NRG3: variants seen among roughly 807,000 people sequenced by gnomAD.
NRG3 encodes neuregulin 3, also known as pro-neuregulin-3, membrane-bound isoform.
A neutral mutation model predicts 66.9 loss-of-function variants in NRG3; 31 were observed. The ratio of observed to expected loss-of-function variants is 0.46; its 90% CI spans 0.35 to 0.63. The LOEUF (loss-of-function observed/expected upper bound fraction) is 0.63. Ranked by LOEUF, NRG3 falls within the 20% of genes least tolerant of loss-of-function variation. The pLI, the probability that NRG3 is intolerant of heterozygous loss-of-function variation, is 0.00. For synonymous variants in NRG3, 393 were observed against 359.4 expected (o/e 1.09, Z -1.06); for missense variants, 910 against 878.9 (o/e 1.04, Z -0.45).
At chr10:81,923,240 A>T (rs1164945557) in intron 1 of NRG3, among the ~76,000 whole-genome samples, 6 of 152,036 alleles carry the variant, frequency 3.9e-5, no homozygotes, top group Non-Finnish European at 7.4e-5. Context: ...TGCTTTACTT[A>T]CTCAATCGAA....
intron 1 of NRG3, among the ~76,000 whole-genome samples, chr10:82,102,774 A>G (rs1036878784): frequency 2.6e-5 from 4 of 151,944 alleles, no homozygotes; most frequent in Non-Finnish European, 5.9e-5. Flanking sequence ...TTCCAACTGT[A>G]TAGATTTTTA....
chr10:82,495,762 CTCTG>C (rs1169608724), intron 2 of NRG3, among the ~76,000 whole-genome samples: 3 of 151,752 alleles, frequency 2.0e-5, no homozygotes, highest in Non-Finnish European at 4.4e-5. Flanking sequence ...ATATGTCCAT[CTCTG>C]TCTGGCTGTG....
At chr10:82,938,497 C>T (rs977249819) in intron 4 of NRG3, among the ~76,000 whole-genome samples, 1 of 152,224 alleles carries the variant, frequency 6.6e-6, no homozygotes, top group African/African-American at 2.4e-5. Context: ...GTCAAATAGC[C>T]ACAGGGCTCT....
At chr10:82,232,892 G>T in intron 1 of NRG3, 1 of 710,284 alleles carries the variant, frequency 1.4e-6, no homozygotes, top group South Asian at 1.5e-5. Context: ...AACAGTTTAG[G>T]ACTACTTTGA....
At chr10:81,981,041 C>A (rs530080246) in intron 1 of NRG3, among the ~76,000 whole-genome samples, 4 of 152,302 alleles carry the variant, frequency 2.6e-5, no homozygotes, top group East Asian at 3.9e-4. Context: ...GAGCATAAAT[C>A]CGTAACGTTT....
At chr10:81,881,159 C>T (rs941612340) in intron 1 of NRG3, among the ~76,000 whole-genome samples, 1 of 151,672 alleles carries the variant, frequency 6.6e-6, no homozygotes, top group African/African-American at 2.4e-5. Flanking sequence ...ACTGAAGGCT[C>T]CTTTCAGGCT....
intron 2 of NRG3, among the ~76,000 whole-genome samples, chr10:82,588,270 A>C (rs985357138): frequency 6.6e-6 from 1 of 152,158 alleles, no homozygotes; most frequent in African/African-American, 2.4e-5. Flanking sequence ...AGGGAGCACC[A>C]TCCTCTTGAT....
chr10:82,190,576 A>G (rs1378810707), intron 1 of NRG3, among the ~76,000 whole-genome samples: 1 of 152,208 alleles, frequency 6.6e-6, no homozygotes, highest in African/African-American at 2.4e-5. Flanking sequence ...CCAAAAGCTG[A>G]AGAGATGAAA....
intron 2 of NRG3, among the ~76,000 whole-genome samples, chr10:82,552,699 T>C (rs73311961): frequency 0.013 from 1,954 of 152,256 alleles, 38 homozygotes; most frequent in African/African-American, 0.045. Flanking sequence ...ACTAATCAAA[T>C]TTTTTAATTT....
intron 2 of NRG3, among the ~76,000 whole-genome samples, chr10:82,545,624 G>T (rs2043845838): frequency 6.6e-6 from 1 of 151,528 alleles, no homozygotes; most frequent in Non-Finnish European, 1.5e-5. Flanking sequence ...CTCGTGATCC[G>T]CCCGCCTCGG....
intron 3 of NRG3, among the ~76,000 whole-genome samples, chr10:82,820,596 A>T (rs1591625340): frequency 6.6e-6 from 1 of 152,208 alleles, no homozygotes; most frequent in Non-Finnish European, 1.5e-5. Context: ...ATCAATTGAA[A>T]CTACTTTTCC....
chr10:82,011,962 G>A (rs2061596557), intron 1 of NRG3, among the ~76,000 whole-genome samples: 1 of 152,232 alleles, frequency 6.6e-6, no homozygotes, highest in Non-Finnish European at 1.5e-5. Context: ...TCTGGAGGAT[G>A]GTGGCCCTAT....
intron 2 of NRG3, among the ~76,000 whole-genome samples, chr10:82,381,696 T>G (rs1019309508): frequency 1.1e-4 from 16 of 152,174 alleles, no homozygotes; most frequent in Non-Finnish European, 4.4e-5. Flanking sequence ...GCTTCATGGG[T>G]TGGGAGACTT....
At chr10:82,740,216 CT>C (rs1195351702) in intron 3 of NRG3, among the ~76,000 whole-genome samples, 1 of 150,010 alleles carries the variant, frequency 6.7e-6, no homozygotes, top group Non-Finnish European at 1.5e-5. Flanking sequence ...TTCCTTTCTT[CT>C]TTCTTTCCTT....
chr10:82,976,829 C>A (rs1246346711), intron 7 of NRG3, among the ~76,000 whole-genome samples: 1 of 152,106 alleles, frequency 6.6e-6, no homozygotes, highest in Non-Finnish European at 1.5e-5. Context: ...ATGGAGCCTG[C>A]AGTGCGGCCC....
At position 82,229,280 on chromosome 10, in the gene NRG3, A is replaced by G. The variant is rs1317108508; in HGVS notation, c.824-129459A>G. On this transcript the variant is annotated intron_variant, in intron 1 of 8. Coordinates refer to ENST00000372141, the MANE Select transcript of NRG3 (RefSeq NM_001010848.4). Reference sequence around the variant, plus strand: ...AGCAGTTGAAAAATATTCACCAGAAAAATTTTGTCATGGAGAAAATGAAAT... The same window carrying G: ...AGCAGTTGAAAAATATTCACCAGAAGAATTTTGTCATGGAGAAAATGAAAT... 2.0e-5 allele frequency: 3 copies of G among 152,360 alleles called. No homozygotes were observed. In the East Asian group the frequency reaches 5.8e-4, roughly 29 times the overall value. The allele number at this position is 152,360 out of a possible 1,614,324, so 9.4% of individuals were successfully genotyped here.
chr10:82,630,919 CT>C (rs1386476894), intron 2 of NRG3, among the ~76,000 whole-genome samples: 2 of 152,034 alleles, frequency 1.3e-5, no homozygotes, highest in African/African-American at 4.8e-5. Flanking sequence ...TTCACAAAGA[CT>C]TTTTTTCTTT....
intron 1 of NRG3, among the ~76,000 whole-genome samples, chr10:82,089,418 T>A (rs1334599332): frequency 1.3e-5 from 2 of 152,044 alleles, no homozygotes; most frequent in Non-Finnish European, 2.9e-5. Context: ...CTAACAGAGG[T>A]TATTTCTTTG....
intron 4 of NRG3, among the ~76,000 whole-genome samples, chr10:82,881,731 T>C (rs1842322047): frequency 6.6e-6 from 1 of 152,216 alleles, no homozygotes; most frequent in African/African-American, 2.4e-5. Flanking sequence ...TGTGTATGTA[T>C]CTATCTATAT....
Sources: gnomAD v4.1 joint callset for allele counts (sites outside exome capture counted in the v4.1 genomes callset) on GRCh38, gnomAD v4.1.1 for gene constraint, MANE v1.5 for transcripts, NCBI Gene and HGNC (gene_info 2026-07-23, HGNC 2026-07-21) for gene names.